Variants in NSF observed in about 807,000 individuals in gnomAD.
NSF encodes N-ethylmaleimide sensitive factor, vesicle fusing ATPase.
Under a neutral mutation model 50.3 loss-of-function variants are expected in NSF, and 14 were observed. That is an observed-to-expected ratio of 0.28 (90% CI 0.18 to 0.44). The LOEUF (loss-of-function observed/expected upper bound fraction) is 0.44. Among genes scored for constraint, NSF ranks in the 20% least tolerant of loss-of-function variants. The pLI is 1.00. For synonymous variants in NSF, 109 were observed against 175.7 expected, an observed-to-expected ratio of 0.62 and a Z score of 3.00; for missense variants, 218 against 504.3, an observed-to-expected ratio of 0.43 and a Z score of 5.44.
At chr17:46,750,188 A>G (rs1204630053) in intron 18 of NSF, among the ~76,000 whole-genome samples, 2 of 152,166 alleles carry the variant, frequency 1.3e-5, no homozygotes, top group Admixed American at 6.5e-5. Context: ...CCCTGTCTCT[A>G]CTAAAAATAC....
At chr17:46,731,034 C>T (rs895735530) in intron 17 of NSF, among the ~76,000 whole-genome samples, 10 of 152,030 alleles carry the variant, frequency 6.6e-5, no homozygotes, top group Non-Finnish European at 1.3e-4. Context: ...TATACACCTA[C>T]AAGCAATGAA....
chr17:46,610,041 C>CTCTCTCTCTTTCTT (rs545055767), intron 1 of NSF, among the ~76,000 whole-genome samples: 2 of 118,654 alleles, frequency 1.7e-5, no homozygotes, highest in African/African-American at 3.1e-5. Context: ...CTCTCTCTCT[C>CTCTCTCTCTTTCTT]TCTTTCTTTC....
At chr17:46,687,458 A>G (rs1181860144) in intron 9 of NSF, among the ~76,000 whole-genome samples, 1 of 149,862 alleles carries the variant, frequency 6.7e-6, no homozygotes, top group Non-Finnish European at 1.5e-5. Context: ...ATCATACTAC[A>G]GGGTAATTTC....
chr17:46,752,660 T>C (rs2059192704), intron 19 of NSF, among the ~76,000 whole-genome samples: 2 of 152,218 alleles, frequency 1.3e-5, no homozygotes, highest in African/African-American at 4.8e-5. Context: ...TTCACTATGT[T>C]GCCCAGGCTG....
At chr17:46,710,330 C>A (rs765407244) in intron 13 of NSF, among the ~76,000 whole-genome samples, 5 of 152,128 alleles carry the variant, frequency 3.3e-5, no homozygotes, top group Non-Finnish European at 7.4e-5. Context: ...AAGAAGGGTG[C>A]AATTTAAGCT....
chr17:46,749,459 C>G (rs2059161612), intron 17 of NSF, among the ~76,000 whole-genome samples: 1 of 152,176 alleles, frequency 6.6e-6, no homozygotes, highest in African/African-American at 2.4e-5. Context: ...GCCATGTTGG[C>G]TCTGAGGAAG....
At chr17:46,649,590 G>A (rs1192851208) in intron 8 of NSF, among the ~76,000 whole-genome samples, 2 of 150,366 alleles carry the variant, frequency 1.3e-5, no homozygotes, top group African/African-American at 2.5e-5. Context: ...TTATAATGAG[G>A]GTGGTGGCTA....
intron 17 of NSF, among the ~76,000 whole-genome samples, chr17:46,734,976 A>G (rs1341373470): frequency 1.3e-5 from 2 of 152,202 alleles, no homozygotes; most frequent in African/African-American, 2.4e-5. Context: ...GCTTGAGCCC[A>G]TGAGTTCAAG....
chr17:46,665,994 C>A (rs974551091), intron 8 of NSF, among the ~76,000 whole-genome samples: 3 of 142,234 alleles, frequency 2.1e-5, no homozygotes, highest in African/African-American at 7.6e-5. Context: ...AGAAATAGCC[C>A]CAGTTCCTTT....
intron 8 of NSF, among the ~76,000 whole-genome samples, chr17:46,655,673 AG>A: frequency 1.7e-5 from 1 of 59,960 alleles, no homozygotes; most frequent in Non-Finnish European, 3.0e-5. Flanking sequence ...GAGATGGGGA[AG>A]ACTCGCTTAA....
At chr17:46,676,554 G>A (rs1390485772) in intron 9 of NSF, among the ~76,000 whole-genome samples, 1 of 145,936 alleles carries the variant, frequency 6.9e-6, no homozygotes, top group African/African-American at 2.7e-5. Context: ...TGTAAACCAT[G>A]GATCCTTGTT....
chr17:46,740,719 T>C (rs1218577892), intron 17 of NSF, among the ~76,000 whole-genome samples: 1 of 151,306 alleles, frequency 6.6e-6, no homozygotes, highest in Non-Finnish European at 1.5e-5. Context: ...TGGAGTACAA[T>C]GGCACGATTT....
At chr17:46,733,536 C>T (rs1163872104) in intron 17 of NSF, among the ~76,000 whole-genome samples, 4 of 152,136 alleles carry the variant, frequency 2.6e-5, no homozygotes, top group African/African-American at 9.7e-5. Flanking sequence ...ACAGGGTAGC[C>T]TCGTAATTTA....
At chr17:46,716,580 G>C (rs2146271920) in intron 15 of NSF, among the ~76,000 whole-genome samples, 1 of 152,182 alleles carries the variant, frequency 6.6e-6, no homozygotes, top group South Asian at 2.1e-4. Flanking sequence ...TTAGTGTGAG[G>C]ATGGAAAGAA....
chr17:46,749,817 C>A lies in NSF; in HGVS notation c.1953C>A (p.Val651=). 6.2e-7 allele frequency: 1 copy of A among 1,614,092 alleles called. No individual in the cohort carries two copies. The highest frequency in any genetic ancestry group is 8.5e-7 in the Non-Finnish European group (1 of 1,179,934). ...TTGGGACCACTAGCCGCAAAGATGTCCTTCAGGAGATGGAAATGCTTAACG... is the reference window on the plus strand; with the variant it reads ...TTGGGACCACTAGCCGCAAAGATGTACTTCAGGAGATGGAAATGCTTAACG... ...LIIGTTSRKD[V]LQEMEMLNAF... The change falls in exon 18 of 21, where the codon GTC becomes GTA. Residue 651 remains valine, a synonymous_variant. Transcript: ENST00000398238.
intron 17 of NSF, among the ~76,000 whole-genome samples, chr17:46,742,949 C>G (rs1050520702): frequency 1.3e-5 from 2 of 152,016 alleles, no homozygotes; most frequent in Non-Finnish European, 2.9e-5. Flanking sequence ...AGTGATAGAC[C>G]AAAGGACCTC....
intron 15 of NSF, among the ~76,000 whole-genome samples, chr17:46,718,088 GCACCACCTCAGGGCCTGGGGA>G (rs2058791889): frequency 1.3e-5 from 2 of 152,214 alleles, no homozygotes; most frequent in South Asian, 4.1e-4. Context: ...TAGGATGCAG[GCACCACCTCAGGGCCTGGGGA>G]CTGACAGCTG....
intron 15 of NSF, among the ~76,000 whole-genome samples, chr17:46,725,026 T>C (rs953735576): frequency 1.3e-5 from 2 of 152,234 alleles, no homozygotes; most frequent in Non-Finnish European, 2.9e-5. Flanking sequence ...TAAGGCATTA[T>C]ATTAAATGAT....
chr17:46,737,088 A>G (rs538402522), intron 17 of NSF, among the ~76,000 whole-genome samples: 8 of 152,328 alleles, frequency 5.3e-5, no homozygotes, highest in African/African-American at 1.9e-4. Context: ...CTTTTATTAG[A>G]TGTACATTTA....
Sources: gnomAD v4.1 joint callset for allele counts (sites outside exome capture counted in the v4.1 genomes callset) on GRCh38, gnomAD v4.1.1 for gene constraint, MANE v1.5 for transcripts, NCBI Gene and HGNC (gene_info 2026-07-23, HGNC 2026-07-21) for gene names.